GNG3: variants seen among roughly 807,000 people sequenced by gnomAD.
GNG3 encodes G protein subunit gamma 3, also known as guanine nucleotide-binding protein G(I)/G(S)/G(O) subunit gamma-3.
GNG3 carries 4 observed loss-of-function variants against 5.6 expected under a neutral mutation model. The observed-to-expected ratio is 0.71, with a 90% CI of 0.35 to 1.63. The LOEUF (loss-of-function observed/expected upper bound fraction) is 1.63, where lower values mean the gene tolerates loss of function less well. Ranked by LOEUF, GNG3 falls within the 40% of genes most tolerant of loss-of-function variation. The probability of loss-of-function intolerance (pLI) is 0.05; values close to 1 mark genes in which losing one functional copy is unlikely to be tolerated. For synonymous variants in GNG3, 30 were observed against 33.5 expected, an observed-to-expected ratio of 0.89 and a Z score of 0.36; for missense variants, 62 against 96.6, an observed-to-expected ratio of 0.64 and a Z score of 1.50.
Position 62,709,123 on chromosome 11 carries a change from C to T in GNG3, c.*317C>T, listed in dbSNP as rs1453150612. On this transcript the variant is annotated 3_prime_UTR_variant, in exon 3 of 3. Coordinates refer to ENST00000294117, the MANE Select transcript of GNG3 (RefSeq NM_012202.5). Reference sequence around the variant, plus strand: ...TGCTCAGACAATGGAGAGGGATGGGCCAGGTTCTTGCTCTCAGTCTCACCT... The same window carrying T: ...TGCTCAGACAATGGAGAGGGATGGGTCAGGTTCTTGCTCTCAGTCTCACCT... 1.3e-5 allele frequency: 6 copies of T among 479,878 alleles called. No individual in the cohort carries two copies. Among genetic ancestry groups the T allele is most frequent in the Admixed American group, 4.7e-5 (2 of 42,394 alleles). 29.7% of individuals were successfully genotyped at this position (479,878 alleles called of 1,614,324 possible).
At chr11:62,707,089 G>C (rs1016832957), upstream of GNG3, 5 of 1,547,086 alleles carry the variant, frequency 3.2e-6, no homozygotes, top group Admixed American at 3.9e-5. Context: ...TCTGCTGACT[G>C]TCCCCACAAG....
intron 2 of GNG3, 139 bp downstream of exon 2, chr11:62,708,533 C>G: frequency 2.4e-6 from 3 of 1,272,308 alleles, no homozygotes; most frequent in Non-Finnish European, 3.4e-6. Flanking sequence ...GTAGAGAGAG[C>G]TGTCCCCAGG....
upstream of GNG3, chr11:62,707,526 T>C (rs1192653411): frequency 9.7e-6 from 6 of 615,464 alleles, no homozygotes; most frequent in African/African-American, 9.2e-5. Context: ...CTCAGCTCTG[T>C]TGGGGAGGTC....
chr11:62,707,488 C>G (rs1366747003), upstream of GNG3: 5 of 649,682 alleles, frequency 7.7e-6, no homozygotes, highest in Non-Finnish European at 1.4e-5. Context: ...CCAGACCACG[C>G]CATTTGAGAG....
At chr11:62,707,044 C>T (rs1009592766), upstream of GNG3, 6 of 1,104,622 alleles carry the variant, frequency 5.4e-6, no homozygotes, top group Non-Finnish European at 6.6e-6. Flanking sequence ...ATCCCCCCGC[C>T]CCCTTCACGC....
At chr11:62,707,382 G>A (rs1362436918), upstream of GNG3, 2 of 712,854 alleles carry the variant, frequency 2.8e-6, no homozygotes, top group East Asian at 2.7e-5. Flanking sequence ...AGGGAGGAAA[G>A]GAGGAGGGGG....
At chr11:62,708,574 C>T in intron 2 of GNG3, 104 bp from the exon 3 acceptor site, 2 of 1,504,402 alleles carry the variant, frequency 1.3e-6, no homozygotes, top group Non-Finnish European at 1.8e-6. Flanking sequence ...GAAGACAAGT[C>T]GTAAGGAGCC....
Position 62,708,738 on chromosome 11 carries a change from C to T in GNG3, c.160C>T (p.Leu54Phe). The T allele has an allele frequency of 6.2e-7, 1 of 1,614,102 alleles. No individual in the cohort carries two copies. Among genetic ancestry groups the T allele is most frequent in the Non-Finnish European group, 8.5e-7 (1 of 1,179,952 alleles). The part of the protein sequence containing the change: ...YCDAHACEDP[L>F]ITPVPTSENP... ...TGATGCCCACGCCTGTGAGGATCCC[C>T]TCATCACCCCTGTGCCCACTTCGGA... The change falls in exon 3 of 3, where the codon CTC becomes TTC. Residue 54 changes from leucine (L) to phenylalanine (F), a missense_variant. Leu to Phe is a conservative substitution (Grantham distance 22). This residue lies in a region of GNG3 where 58 missense variants were observed against 75.4 expected (regional missense o/e 0.77). Coordinates refer to ENST00000294117, the MANE Select transcript of GNG3 (RefSeq NM_012202.5).
chr11:62,707,364 C>G, upstream of GNG3: 1 of 728,028 alleles, frequency 1.4e-6, no homozygotes, highest in Admixed American at 2.0e-5. Flanking sequence ...AGTGCTGTGT[C>G]AGAGTAGAGG....
Position 62,708,342 on chromosome 11 carries a change from C to A in GNG3, c.47C>A (p.Ala16Glu). The A allele has an allele frequency of 6.2e-7, 1 of 1,613,808 alleles. No homozygotes were observed. The highest frequency in any genetic ancestry group is 1.7e-5 in the Admixed American group (1 of 60,026). The change falls in exon 2 of 3, where the codon GCA (alanine) becomes GAA (glutamate). Residue 16 changes from alanine to glutamate, a missense_variant. By Grantham distance (107) the Ala-to-Glu change is moderately radical (BLOSUM62 -1). Transcript: ENST00000294117. ...AACAGCACTATGAGTATTGGGCAAG[C>A]ACGCAAGATGGTGGAACAGCTTAAG... ...PVNSTMSIGQARKMVEQLKIE... is the reference protein window; with the variant it reads ...PVNSTMSIGQERKMVEQLKIE...
Position 62,708,401 on chromosome 11 carries a change from G to C in GNG3, c.99+7G>C. 6.3e-7 allele frequency: 1 copy of C among 1,599,546 alleles called. No homozygotes were observed. The highest frequency in any genetic ancestry group is 8.6e-7 in the Non-Finnish European group (1 of 1,166,914). ...CAGCTTGTGTCGGATAAAGGTAGGTGGGACCCTGGCTGGCTCCCATTAGTT... is the reference window on the plus strand; with the variant it reads ...CAGCTTGTGTCGGATAAAGGTAGGTCGGACCCTGGCTGGCTCCCATTAGTT... On this transcript the variant is annotated splice_region_variant and intron_variant, in intron 2 of 2. Transcript: ENST00000294117.
chr11:62,708,396 T>C lies in GNG3; in HGVS notation c.99+2T>C. 1 of 1,603,696 alleles carries C rather than the reference T, an allele frequency of 6.2e-7. No homozygotes were observed. The highest frequency in any genetic ancestry group is 8.5e-7 in the Non-Finnish European group (1 of 1,170,678). On this transcript the variant is annotated splice_donor_variant, in intron 2 of 2. Transcript: ENST00000294117. LOFTEE classifies it high-confidence loss of function. ...GAAGCCAGCTTGTGTCGGATAAAGG[T>C]AGGTGGGACCCTGGCTGGCTCCCAT...
chr11:62,707,090 T>G, upstream of GNG3: 1 of 1,549,248 alleles, frequency 6.5e-7, no homozygotes, highest in Non-Finnish European at 8.7e-7. Flanking sequence ...CTGCTGACTG[T>G]CCCCACAAGG....
At chr11:62,707,410 G>A (rs992798957), upstream of GNG3, 2 of 701,930 alleles carry the variant, frequency 2.8e-6, no homozygotes, top group Non-Finnish European at 5.2e-6. Context: ...CCCAGCTGAT[G>A]TCAGATTTTC....
chr11:62,707,058 C>A (rs761632768), upstream of GNG3: 35 of 1,490,114 alleles, frequency 2.3e-5, 1 homozygote, highest in Middle Eastern at 3.9e-3. Flanking sequence ...TTCACGCCAG[C>A]CCACCTATTT....
At chr11:62,706,616 C>T, upstream of GNG3, 1 of 471,502 alleles carries the variant, frequency 2.1e-6, no homozygotes, top group Non-Finnish European at 4.4e-6. Flanking sequence ...TGCACACCTT[C>T]ACCACAGGCC....
At chr11:62,707,639 G>A, upstream of GNG3, 1 of 475,766 alleles carries the variant, frequency 2.1e-6, no homozygotes. Context: ...TCCCCCACTG[G>A]CCAGGCAGTT....
chr11:62,706,982 C>T (rs1250797549), upstream of GNG3: 3 of 805,106 alleles, frequency 3.7e-6, no homozygotes, highest in African/African-American at 1.7e-5. Context: ...CACACTGCTG[C>T]GGGCGTGGGA....
upstream of GNG3, chr11:62,706,589 G>A: frequency 2.1e-6 from 1 of 468,446 alleles, no homozygotes. Context: ...CCTTGAGACT[G>A]CAATCACAGC....
Sources: allele counts gnomAD v4.1 joint callset, GRCh38; gene constraint gnomAD v4.1.1; regional missense constraint gnomAD v4.1.1; transcripts MANE v1.5; gene names NCBI Gene and HGNC (gene_info 2026-07-23, HGNC 2026-07-21).